Variants in NPAS3 observed in about 807,000 individuals in gnomAD.
NPAS3 encodes neuronal PAS domain-containing protein 3.
In NPAS3, 14 loss-of-function variants were observed where a neutral mutation model predicts 73.1. The ratio of observed to expected loss-of-function variants is 0.19; its 90% CI spans 0.13 to 0.30. The LOEUF is 0.30. Among genes scored for constraint, NPAS3 ranks in the 10% least tolerant of loss-of-function variants. The pLI, the probability that NPAS3 is intolerant of heterozygous loss-of-function variation, is 1.00. For synonymous variants in NPAS3, 620 were observed against 541.5 expected (o/e 1.14, Z -2.01); for missense variants, 1,096 against 1,250.0 (o/e 0.88, Z 1.86).
At chr14:33,609,553 C>T (rs1052348547) in intron 5 of NPAS3, among the ~76,000 whole-genome samples, 4 of 151,380 alleles carry the variant, frequency 2.6e-5, no homozygotes, top group Admixed American at 6.6e-5. Context: ...AAAAAAAGGA[C>T]GTGAACTGAT....
chr14:33,657,233 G>C (rs934049100), intron 5 of NPAS3, among the ~76,000 whole-genome samples: 1 of 152,154 alleles, frequency 6.6e-6, no homozygotes, highest in African/African-American at 2.4e-5. Flanking sequence ...CTAAAGTTCT[G>C]AATCTCAGGT....
intron 2 of NPAS3, among the ~76,000 whole-genome samples, chr14:33,171,806 C>T (rs551454048): frequency 6.6e-6 from 1 of 152,326 alleles, no homozygotes; most frequent in African/African-American, 2.4e-5. Flanking sequence ...TTTGGCCTAT[C>T]TTGCTTTTCG....
chr14:33,260,155 C>T lies in NPAS3; in HGVS notation c.385+44729C>T, dbSNP rs2048920929. ...TCACGTTTCTTTATCCCAGCCACTG[C>T]TTCTCCCAAAGGAGTAACGTTACTT... On this transcript the variant is annotated intron_variant, in intron 3 of 11. Coordinates refer to ENST00000356141, the Ensembl canonical transcript of NPAS3. 2.0e-5 allele frequency among the ~76,000 whole-genome samples: 3 copies of T among 152,138 alleles called. No homozygotes were observed. In the South Asian group the frequency reaches 6.2e-4, roughly 32 times the overall value.
At chr14:33,374,267 A>G (rs1329074843) in intron 4 of NPAS3, among the ~76,000 whole-genome samples, 2 of 152,280 alleles carry the variant, frequency 1.3e-5, no homozygotes, top group African/African-American at 4.8e-5. Context: ...CAAATAAAAG[A>G]AGAACCTGTG....
At chr14:33,399,385 T>C (rs1238774994) in intron 4 of NPAS3, among the ~76,000 whole-genome samples, 1 of 151,984 alleles carries the variant, frequency 6.6e-6, no homozygotes, top group African/African-American at 2.4e-5. Flanking sequence ...AAGGCAGATG[T>C]CCCTGAAAGT....
chr14:33,697,005 T>C (rs983607078), intron 6 of NPAS3, among the ~76,000 whole-genome samples: 1 of 152,354 alleles, frequency 6.6e-6, no homozygotes. Context: ...TAATGATACA[T>C]TCAGTGATGG....
intron 4 of NPAS3, among the ~76,000 whole-genome samples, chr14:33,503,984 A>G (rs538437418): frequency 6.6e-6 from 1 of 152,008 alleles, no homozygotes; most frequent in African/African-American, 2.4e-5. Flanking sequence ...TCTAGACGTT[A>G]TGTTATCTAG....
chr14:33,737,347 T>C (rs1185895105), intron 7 of NPAS3, among the ~76,000 whole-genome samples: 1 of 152,160 alleles, frequency 6.6e-6, no homozygotes, highest in Non-Finnish European at 1.5e-5. Flanking sequence ...GGATTAAAGA[T>C]GCTTTGCAGT....
chr14:33,127,616 G>A (rs766903813), intron 2 of NPAS3, among the ~76,000 whole-genome samples: 3 of 152,044 alleles, frequency 2.0e-5, no homozygotes, highest in Non-Finnish European at 2.9e-5. Context: ...TGCATTTTAC[G>A]GACTTGGGTC....
chr14:33,674,563 C>A (rs992252745), intron 5 of NPAS3, among the ~76,000 whole-genome samples: 1 of 152,114 alleles, frequency 6.6e-6, no homozygotes. Flanking sequence ...TCCATGTAAT[C>A]CCCCCCTCCC....
At chr14:33,747,436 G>A (rs2061840159) in intron 7 of NPAS3, among the ~76,000 whole-genome samples, 2 of 152,150 alleles carry the variant, frequency 1.3e-5, no homozygotes, top group South Asian at 4.1e-4. Flanking sequence ...GACTTTCCAG[G>A]GCACAAGGGA....
intron 1 of NPAS3, among the ~76,000 whole-genome samples, chr14:33,003,580 AAAGG>A (rs1299463149): frequency 6.6e-6 from 1 of 152,338 alleles, no homozygotes; most frequent in East Asian, 1.9e-4. Context: ...AAGCATTCAG[AAAGG>A]ACTATAACAC....
chr14:33,388,961 C>T (rs563969503), intron 4 of NPAS3, among the ~76,000 whole-genome samples: 2 of 152,202 alleles, frequency 1.3e-5, no homozygotes, highest in African/African-American at 2.4e-5. Flanking sequence ...TCATCATTAT[C>T]GCTATTAACA....
intron 1 of NPAS3, among the ~76,000 whole-genome samples, chr14:33,008,441 G>A (rs536158422): frequency 6.6e-6 from 1 of 152,292 alleles, no homozygotes; most frequent in Non-Finnish European, 1.5e-5. Context: ...ATAGGGGAGT[G>A]CATACCAACT....
At chr14:32,991,327 T>G (rs2038325507) in intron 1 of NPAS3, among the ~76,000 whole-genome samples, 1 of 152,092 alleles carries the variant, frequency 6.6e-6, no homozygotes, top group South Asian at 2.1e-4. Flanking sequence ...AAGACTACCT[T>G]AGAAGTCTTC....
At chr14:33,031,880 C>CA (rs1424366986) in intron 1 of NPAS3, among the ~76,000 whole-genome samples, 3 of 152,222 alleles carry the variant, frequency 2.0e-5, no homozygotes, top group African/African-American at 7.2e-5. Context: ...GTGATTAAAA[C>CA]AAAGATTTTG....
At chr14:33,763,890 A>G (rs2062376421) in intron 7 of NPAS3, among the ~76,000 whole-genome samples, 1 of 151,886 alleles carries the variant, frequency 6.6e-6, no homozygotes, top group South Asian at 2.1e-4. Flanking sequence ...GTTTGCTTTA[A>G]ACAATTTTAA....
At chr14:33,678,147 C>A (rs1322508951) in intron 6 of NPAS3, among the ~76,000 whole-genome samples, 1 of 152,142 alleles carries the variant, frequency 6.6e-6, no homozygotes, top group Non-Finnish European at 1.5e-5. Flanking sequence ...ACATACGCAG[C>A]CAAATCTCTA....
chr14:33,640,212 T>G (rs2058640487), intron 5 of NPAS3, among the ~76,000 whole-genome samples: 1 of 151,958 alleles, frequency 6.6e-6, no homozygotes, highest in Non-Finnish European at 1.5e-5. Flanking sequence ...AAAAATTATC[T>G]GTATAATATT....
Sources: gnomAD v4.1 joint callset for allele counts (sites outside exome capture counted in the v4.1 genomes callset) on GRCh38, gnomAD v4.1.1 for gene constraint, MANE v1.5 for transcripts, NCBI Gene and HGNC (gene_info 2026-07-23, HGNC 2026-07-21) for gene names.